Variants in RHOJ observed in about 807,000 individuals in gnomAD.
The protein encoded by RHOJ is ras homolog family member J, also known as rho-related GTP-binding protein RhoJ.
In RHOJ, 11 loss-of-function variants were observed where a neutral mutation model predicts 23.4. That is an observed-to-expected ratio of 0.47 (90% CI 0.30 to 0.78). RHOJ has a LOEUF of 0.78. Ranked by LOEUF, RHOJ falls within the 30% of genes least tolerant of loss-of-function variation. RHOJ has a pLI of 0.08. For missense variants in RHOJ, 254 were observed against 273.4 expected, an observed-to-expected ratio of 0.93 and a Z score of 0.50; for synonymous variants, 102 against 102.7, an observed-to-expected ratio of 0.99 and a Z score of 0.04.
At chr14:63,231,978 G>A (rs1377944466) in intron 1 of RHOJ, among the ~76,000 whole-genome samples, 1 of 152,184 alleles carries the variant, frequency 6.6e-6, no homozygotes, top group African/African-American at 2.4e-5. Context: ...CTGAAATGAG[G>A]TGGGAAGTTA....
intron 1 of RHOJ, among the ~76,000 whole-genome samples, chr14:63,206,401 G>GA (rs970185480): frequency 1.3e-5 from 2 of 152,100 alleles, no homozygotes; most frequent in Admixed American, 1.3e-4. Context: ...TTCATCTTGA[G>GA]AAAAAAACTA....
intron 2 of RHOJ, 48 bp downstream of exon 2, chr14:63,269,216 G>A (rs1365710110): frequency 7.2e-7 from 1 of 1,386,284 alleles, no homozygotes; most frequent in Non-Finnish European, 1.0e-6. Flanking sequence ...GTGTAGGGGA[G>A]AAAAAGATCC....
intron 3 of RHOJ, among the ~76,000 whole-genome samples, chr14:63,282,200 G>C (rs1881927123): frequency 6.6e-6 from 1 of 151,922 alleles, no homozygotes; most frequent in African/African-American, 2.4e-5. Flanking sequence ...ATATGTGACA[G>C]AACATTCAAT....
intron 1 of RHOJ, among the ~76,000 whole-genome samples, chr14:63,209,840 TA>T (rs1198885515): frequency 2.0e-5 from 3 of 152,066 alleles, no homozygotes; most frequent in Non-Finnish European, 4.4e-5. Context: ...GGAATGAACA[TA>T]CAAAAATGTT....
rs1894064626 is a variant in RHOJ, at chr14:63,204,595, T to C, written c.-275T>C. The C allele has an allele frequency of 2.1e-6, 1 of 470,126 alleles. No homozygotes were observed. The highest frequency in any genetic ancestry group is 2.0e-5 in the African/African-American group (1 of 50,774). The allele number at this position is 470,126 out of a possible 1,614,324, so 29.1% of individuals were successfully genotyped here. A position where few individuals can be genotyped will look rare whatever the true frequency, so the allele number is the denominator to read the frequency against. On this transcript the variant is annotated 5_prime_UTR_variant, in exon 1 of 5. Coordinates refer to ENST00000316754, the MANE Select transcript of RHOJ (RefSeq NM_020663.5). The stretch of plus-strand genomic sequence containing the variant: ...AATTTCTAGGCTGTTAGGAAGCCCC[T>C]CGAATTCTGTGAAAATGAGGGTTTC...
intron 1 of RHOJ, among the ~76,000 whole-genome samples, chr14:63,210,810 T>C (rs902086051): frequency 1.3e-5 from 2 of 152,256 alleles, no homozygotes; most frequent in Non-Finnish European, 2.9e-5. Context: ...CATAGGTGTG[T>C]AAAATAAGCT....
intron 1 of RHOJ, among the ~76,000 whole-genome samples, chr14:63,265,218 C>T (rs182267998): frequency 2.4e-4 from 36 of 152,270 alleles, no homozygotes; most frequent in African/African-American, 8.4e-4. Flanking sequence ...AGGTAAGGGT[C>T]CAGTTTCATT....
intron 1 of RHOJ, among the ~76,000 whole-genome samples, chr14:63,249,163 G>C (rs1895025971): frequency 6.6e-6 from 1 of 152,208 alleles, no homozygotes; most frequent in Admixed American, 6.5e-5. Context: ...AATTGATGCT[G>C]GAAGGAACAA....
intron 1 of RHOJ, among the ~76,000 whole-genome samples, chr14:63,232,694 CTTT>C (rs373918863): frequency 4.3e-5 from 5 of 115,640 alleles, no homozygotes; most frequent in East Asian, 2.5e-4. Context: ...TTTTTCTTGC[CTTT>C]TTTTTTTTTT....
chr14:63,214,810 G>A (rs1365214901), intron 1 of RHOJ, among the ~76,000 whole-genome samples: 2 of 152,114 alleles, frequency 1.3e-5, no homozygotes, highest in Non-Finnish European at 2.9e-5. Flanking sequence ...CAGCTGCTGG[G>A]GGAAAAGCCT....
chr14:63,239,966 T>C (rs113073895), intron 1 of RHOJ, among the ~76,000 whole-genome samples: 29 of 152,342 alleles, frequency 1.9e-4, no homozygotes, highest in African/African-American at 6.7e-4. Flanking sequence ...TGAATCTCAC[T>C]ATTTCTAATC....
intron 1 of RHOJ, among the ~76,000 whole-genome samples, chr14:63,232,613 G>A (rs937107241): frequency 6.6e-5 from 10 of 151,678 alleles, no homozygotes; most frequent in African/African-American, 1.7e-4. Context: ...ATGTAAGATC[G>A]AGAGGCAATA....
intron 1 of RHOJ, among the ~76,000 whole-genome samples, chr14:63,232,758 G>A (rs766156718): frequency 2.2e-4 from 32 of 143,970 alleles, no homozygotes; most frequent in Non-Finnish European, 3.3e-4. Flanking sequence ...ATGCAGTGGC[G>A]CGATCTCAGC....
intron 4 of RHOJ, among the ~76,000 whole-genome samples, chr14:63,284,852 A>G (rs932547037): frequency 6.6e-6 from 1 of 152,116 alleles, no homozygotes; most frequent in Admixed American, 6.5e-5. Context: ...TCTGTCTGAA[A>G]AGAAGTCGTT....
chr14:63,247,652 G>A (rs915693699), intron 1 of RHOJ, among the ~76,000 whole-genome samples: 2 of 152,172 alleles, frequency 1.3e-5, no homozygotes, highest in South Asian at 2.1e-4. Context: ...ATAATGATAG[G>A]GGCATCATCA....
Position 63,291,186 on chromosome 14 carries a change from C to A in RHOJ, c.*162C>A. On this transcript the variant is annotated 3_prime_UTR_variant, in exon 5 of 5. Coordinates refer to ENST00000316754, the MANE Select transcript of RHOJ (RefSeq NM_020663.5). ...AGCCCTCCCAACACAGCACACTAGT[C>A]AGCCCACTGCCACGACCTCCCTGCC... 1.3e-6 allele frequency: 1 copy of A among 765,426 alleles called. No homozygotes were observed. Among genetic ancestry groups the A allele is most frequent in the Non-Finnish European group, 2.2e-6 (1 of 447,660 alleles). 47.4% of individuals were successfully genotyped at this position (765,426 alleles called of 1,614,324 possible). A position where few individuals can be genotyped will look rare whatever the true frequency, so the allele number is the denominator to read the frequency against.
In RHOJ at chr14:63,288,183, T is replaced by C. The variant is rs1235969836; in HGVS notation, c.499-2695T>C. On this transcript the variant is annotated intron_variant, in intron 4 of 4. Transcript: ENST00000316754. Reference sequence around the variant, plus strand: ...TGCCTTTATCTGCTATTTCATTATCTTCAGAAATGTCTGAATTGGAAGAGA... The same window carrying C: ...TGCCTTTATCTGCTATTTCATTATCCTCAGAAATGTCTGAATTGGAAGAGA... 3.0e-6 allele frequency: 3 copies of C among 985,334 alleles called. No individual in the cohort carries two copies. The African/African-American group carries it at 5.2e-5, about 17-fold the overall frequency. 61.0% of individuals were successfully genotyped at this position (985,334 alleles called of 1,614,324 possible).
chr14:63,206,894 T>C (rs1894122214), intron 1 of RHOJ, among the ~76,000 whole-genome samples: 1 of 152,222 alleles, frequency 6.6e-6, no homozygotes. Context: ...TTCCTAAACA[T>C]GGTTACTTTG....
rs74061625 is a variant in RHOJ, at chr14:63,214,572, G to A, written c.178+9525G>A. Among the ~76,000 whole-genome samples the A allele has an allele frequency of 9.1e-3, 1,382 of 152,270 alleles. 20 individuals carry two copies. Among genetic ancestry groups the A allele is most frequent in the African/African-American group, 0.032 (1,315 of 41,548 alleles). On this transcript the variant is annotated intron_variant, in intron 1 of 4. Transcript: ENST00000316754. Reference sequence around the variant, plus strand: ...AAACGGCTAGCAAACTCCTAAGTGAGGAAACAGAGTGTTCTCAAAAAAGAT... The same window carrying A: ...AAACGGCTAGCAAACTCCTAAGTGAAGAAACAGAGTGTTCTCAAAAAAGAT...
Sources: allele counts gnomAD v4.1 joint callset (sites outside exome capture counted in the v4.1 genomes callset), GRCh38; gene constraint gnomAD v4.1.1; transcripts MANE v1.5; gene names NCBI Gene and HGNC (gene_info 2026-07-23, HGNC 2026-07-21).